Variants in KDELR1 observed in about 807,000 individuals in gnomAD.
KDELR1 encodes the protein KDEL endoplasmic reticulum protein retention receptor 1.
Under a neutral mutation model 25.5 loss-of-function variants are expected in KDELR1, and 16 were observed. That is an observed-to-expected ratio of 0.63 (90% confidence interval 0.43 to 0.95). The LOEUF is 0.95. Ranked by LOEUF, KDELR1 falls within the 40% of genes least tolerant of loss-of-function variation. The pLI is 0.00. For missense variants in KDELR1, 159 were observed against 265.2 expected (o/e 0.60, Z 2.78); for synonymous variants, 121 against 115.0 (o/e 1.05, Z -0.33).
chr19:48,390,484 GAAC>G lies in KDELR1; in HGVS notation c.129_131del (p.Phe44del). 1 of 1,614,082 alleles carries G rather than the reference GAAC, an allele frequency of 6.2e-7. No individual in the cohort carries two copies. The highest frequency in any genetic ancestry group is 8.5e-7 in the Non-Finnish European group (1 of 1,179,948). ...TGAAGAGGTCCAGATATCGGGCAGT[GAAC>G]ACCACAGCAAACAGGACCTGGCTCT... On this transcript the variant is annotated inframe_deletion, in exon 2 of 5. Transcript: ENST00000330720.
rs553266045 is a variant in KDELR1, at chr19:48,390,346, C to G, written c.192+78G>C. 4 of 1,096,180 alleles carry G rather than the reference C, an allele frequency of 3.6e-6. No individual in the cohort carries two copies. The South Asian group carries it at 5.3e-5, about 15-fold the overall frequency. 67.9% of individuals were successfully genotyped at this position (1,096,180 alleles called of 1,614,324 possible). ...AGTCCAGGCCCCCAGCCCCTCCTCC[C>G]TCAGACCTAGGAGTCTGGGACCCAC... On this transcript the variant is annotated intron_variant, in intron 2 of 4. Transcript: ENST00000330720.
chr19:48,391,657 G>A (rs1196612481), upstream of KDELR1: 2 of 432,058 alleles, frequency 4.6e-6, no homozygotes, highest in Non-Finnish European at 8.5e-6. Context: ...GCTTTGCCGT[G>A]GCGGCGCTAA....
intron 3 of KDELR1, among the ~76,000 whole-genome samples, chr19:48,387,157 A>T (rs1970503916): frequency 6.6e-6 from 1 of 151,094 alleles, no homozygotes; most frequent in Admixed American, 6.6e-5. Flanking sequence ...CAGTCTCCCC[A>T]TCTTCAAAAT....
Position 48,384,452 on chromosome 19 carries a change from A to C in KDELR1, c.382T>G (p.Ser128Ala), listed in dbSNP as rs1193952855. Residue 128 changes from serine to alanine, a missense_variant, in exon 4 of 5, where the codon TCA (serine) becomes GCA (alanine). Physicochemically the swap from Ser to Ala is moderately conservative, Grantham distance 99 (BLOSUM62 1). Coordinates refer to ENST00000330720, the MANE Select transcript of KDELR1 (RefSeq NM_006801.3). This position sits in a 1 kb window ranked among gnomAD's most constrained non-coding sequence, Gnocchi z 4.6. ...ILWTFSIYLE[S>A]VAILPQLFMV... The stretch of plus-strand genomic sequence containing the variant: ...AACAGCTGCGGCAAGATGGCCACTG[A>C]CTCCAGGTAGATGGAGAAGGTCCAG... 2 of 1,613,362 alleles carry C rather than the reference A, an allele frequency of 1.2e-6. No homozygotes were observed.
upstream of KDELR1, among the ~76,000 whole-genome samples, chr19:48,396,001 CAGA>C (rs1417703799): frequency 1.3e-5 from 2 of 151,810 alleles, no homozygotes; most frequent in African/African-American, 2.4e-5. Context: ...AAGGGGCTGC[CAGA>C]AGGACTCCTG....
At chr19:48,395,452 C>T (rs1970627511), upstream of KDELR1, among the ~76,000 whole-genome samples, 1 of 152,046 alleles carries the variant, frequency 6.6e-6, no homozygotes, top group Non-Finnish European at 1.5e-5. Context: ...ACCCTTCCAG[C>T]CTCTTCCAAG....
chr19:48,388,611 G>C (rs1970513726), intron 3 of KDELR1, among the ~76,000 whole-genome samples: 1 of 151,946 alleles, frequency 6.6e-6, no homozygotes, highest in African/African-American at 2.4e-5. Flanking sequence ...GCTTGAACCT[G>C]GGAGGTGGAG....
upstream of KDELR1, among the ~76,000 whole-genome samples, chr19:48,396,500 G>C (rs547644562): frequency 3.9e-5 from 6 of 151,938 alleles, no homozygotes; most frequent in South Asian, 4.2e-4. Flanking sequence ...GGAGGGGAGC[G>C]TGAGTGTTAA....
chr19:48,392,305 AC>A (rs1279046292), upstream of KDELR1, among the ~76,000 whole-genome samples: 1 of 144,336 alleles, frequency 6.9e-6, no homozygotes, highest in Non-Finnish European at 1.5e-5. Context: ...CCTCCCTCAG[AC>A]CCAGGAGTCC....
intron 2 of KDELR1, 41 bp from the exon 3 acceptor site, chr19:48,389,752 C>A (rs774077688): frequency 6.2e-7 from 1 of 1,609,346 alleles, no homozygotes; most frequent in Non-Finnish European, 8.5e-7. Context: ...AACTCACAGG[C>A]CTGTGCCCCA....
chr19:48,393,964 G>A (rs1393898760), upstream of KDELR1, among the ~76,000 whole-genome samples: 1 of 152,024 alleles, frequency 6.6e-6, no homozygotes, highest in Non-Finnish European at 1.5e-5. This position sits in a 1 kb window ranked among gnomAD's most constrained non-coding sequence, Gnocchi z 5.6. Flanking sequence ...GGGTCTGTCT[G>A]TCTGTACCGA....
At chr19:48,391,208 G>T in intron 1 of KDELR1, 60 bp downstream of exon 1, 1 of 1,444,906 alleles carries the variant, frequency 6.9e-7, no homozygotes. Flanking sequence ...TGAGTCCTGC[G>T]ACGTCCCCCA....
chr19:48,382,751 A>G lies in KDELR1; in HGVS notation c.*542T>C, dbSNP rs1331605828. Reference sequence around the variant, plus strand: ...ACCAAAAAATTCAAACTCTGGGGAAAAAAATTACTATGAAAAAAAATCAGG... The same window carrying G: ...ACCAAAAAATTCAAACTCTGGGGAAGAAAATTACTATGAAAAAAAATCAGG... On this transcript the variant is annotated 3_prime_UTR_variant, in exon 5 of 5. Coordinates refer to ENST00000330720, the MANE Select transcript of KDELR1 (RefSeq NM_006801.3). The G allele has an allele frequency of 6.5e-6, 1 of 153,054 alleles. No homozygotes were observed. Among genetic ancestry groups the G allele is most frequent in the African/African-American group, 2.4e-5 (1 of 41,400 alleles). The allele number at this position is 153,054 out of a possible 1,614,324, so 9.5% of individuals were successfully genotyped here. A position where few individuals can be genotyped will look rare whatever the true frequency, so the allele number is the denominator to read the frequency against.
chr19:48,385,662 C>T (rs1342784117), intron 3 of KDELR1, among the ~76,000 whole-genome samples: 4 of 152,192 alleles, frequency 2.6e-5, no homozygotes, highest in Admixed American at 6.5e-5. Context: ...GATCTGCAGA[C>T]ACACTGAAAC....
chr19:48,396,801 C>T, the KDELR1 span, among the ~76,000 whole-genome samples: 3 of 152,044 alleles, frequency 2.0e-5, no homozygotes, highest in Non-Finnish European at 2.9e-5. Context: ...GTGGGGTGGA[C>T]GAGGCCTGCG....
chr19:48,390,732 G>GGGCC, intron 1 of KDELR1: 1 of 544,340 alleles, frequency 1.8e-6, no homozygotes, highest in Non-Finnish European at 3.3e-6. Flanking sequence ...CGCCTGAGCA[G>GGGCC]GGCCCTTTCC....
At chr19:48,386,259 C>G (rs1213491629) in intron 3 of KDELR1, among the ~76,000 whole-genome samples, 1 of 151,466 alleles carries the variant, frequency 6.6e-6, no homozygotes, top group Non-Finnish European at 1.5e-5. Context: ...GAATTATAGG[C>G]ACTCACCACC....
chr19:48,391,152 A>G (rs1970546050), intron 1 of KDELR1, 116 bp downstream of exon 1: 1 of 846,086 alleles, frequency 1.2e-6, no homozygotes, highest in African/African-American at 1.7e-5. Context: ...ATCCCCAGCA[A>G]GCAGTGGGGG....
chr19:48,385,048 G>A (rs920457307), intron 3 of KDELR1, among the ~76,000 whole-genome samples: 1 of 151,936 alleles, frequency 6.6e-6, no homozygotes, highest in Non-Finnish European at 1.5e-5. Context: ...CACCACACCC[G>A]GCTAATTTTT....
Sources: allele counts gnomAD v4.1 joint callset (sites outside exome capture counted in the v4.1 genomes callset), GRCh38; gene constraint gnomAD v4.1.1; non-coding constraint Gnocchi (gnomAD v3.1); transcripts MANE v1.5; gene names NCBI Gene and HGNC (gene_info 2026-07-23, HGNC 2026-07-21).